Variants in CASD1 observed in about 807,000 individuals in gnomAD.
CASD1 encodes the protein N-acetylneuraminate (7)9-O-acetyltransferase.
In CASD1, 41 loss-of-function variants were observed where a neutral mutation model predicts 100.0. The observed-to-expected ratio is 0.41, with a 90% CI of 0.32 to 0.53. The LOEUF (loss-of-function observed/expected upper bound fraction) is 0.53. CASD1 is among the 20% of genes least tolerant of loss of function. The pLI, the probability that CASD1 is intolerant of heterozygous loss-of-function variation, is 0.25. For missense variants in CASD1, 774 were observed against 948.7 expected (o/e 0.82, Z 2.42); for synonymous variants, 321 against 315.6 (o/e 1.02, Z -0.18).
At chr7:94,600,771 A>G in the CASD1 span, 7 of 1,613,688 alleles carry the variant, frequency 4.3e-6, no homozygotes, top group Non-Finnish European at 5.9e-6. Flanking sequence ...AAGAATCAGA[A>G]GGGGGTTTGT....
chr7:94,558,623 T>C (rs1796283451), downstream of CASD1, among the ~76,000 whole-genome samples: 1 of 152,166 alleles, frequency 6.6e-6, no homozygotes, highest in African/African-American at 2.4e-5. Flanking sequence ...TTCATTCTTG[T>C]GTTCATTCCC....
intron 1 of CASD1, 73 bp from the exon 2 acceptor site, chr7:94,517,487 A>C: frequency 1.1e-6 from 1 of 890,124 alleles, no homozygotes; most frequent in Non-Finnish European, 1.8e-6. Flanking sequence ...CAAGGAACTT[A>C]TATAGGGTCA....
the CASD1 span, chr7:94,588,677 C>A: frequency 4.4e-6 from 7 of 1,582,178 alleles, no homozygotes; most frequent in East Asian, 2.2e-5. Flanking sequence ...ATTTATTATT[C>A]TTAGCACTCA....
chr7:94,578,537 T>C, the CASD1 span, among the ~76,000 whole-genome samples: 1 of 152,104 alleles, frequency 6.6e-6, no homozygotes, highest in Non-Finnish European at 1.5e-5. Context: ...CAAATTCAAG[T>C]ATATTGGATA....
the CASD1 span, chr7:94,586,578 CA>C: frequency 6.6e-6 from 1 of 152,316 alleles, no homozygotes; most frequent in Non-Finnish European, 1.5e-5. Flanking sequence ...TGGCTCACTG[CA>C]ACCTCCACCT....
chr7:94,563,240 C>T, the CASD1 span, among the ~76,000 whole-genome samples: 26 of 152,128 alleles, frequency 1.7e-4, no homozygotes, highest in Non-Finnish European at 3.4e-4. Flanking sequence ...TACCTCCCTC[C>T]TTACCCCCTT....
the CASD1 span, chr7:94,625,964 A>G: frequency 2.6e-5 from 4 of 152,056 alleles, no homozygotes; most frequent in Non-Finnish European, 4.4e-5. Flanking sequence ...TGTATGAGAT[A>G]TTCAGTACTG....
chr7:94,614,119 A>C, the CASD1 span, among the ~76,000 whole-genome samples: 49 of 151,410 alleles, frequency 3.2e-4, no homozygotes, highest in South Asian at 1.7e-3. Context: ...AAAAAAAAAA[A>C]AAAAAAAAAA....
chr7:94,533,291 C>T (rs749093003), intron 6 of CASD1, 42 bp downstream of exon 6: 64 of 1,520,470 alleles, frequency 4.2e-5, no homozygotes, highest in Admixed American at 5.4e-5. Flanking sequence ...TTTTGTTTCA[C>T]GTTTAAGAAC....
chr7:94,611,348 A>G, the CASD1 span, among the ~76,000 whole-genome samples: 1 of 152,200 alleles, frequency 6.6e-6, no homozygotes, highest in African/African-American at 2.4e-5. Flanking sequence ...TACAACATAG[A>G]TGAAACTTGA....
intron 1 of CASD1, among the ~76,000 whole-genome samples, chr7:94,512,614 A>G (rs1409409719): frequency 6.6e-6 from 1 of 152,192 alleles, no homozygotes; most frequent in Non-Finnish European, 1.5e-5. Context: ...TGTTCTACTA[A>G]AGGTTTTACA....
At chr7:94,616,066 TAGG>T in the CASD1 span, among the ~76,000 whole-genome samples, 5 of 152,160 alleles carry the variant, frequency 3.3e-5, no homozygotes, top group African/African-American at 1.2e-4. Flanking sequence ...CTGTTTGATT[TAGG>T]AGAAGTTTGA....
chr7:94,591,252 C>A, the CASD1 span, among the ~76,000 whole-genome samples: 1 of 152,134 alleles, frequency 6.6e-6, no homozygotes, highest in African/African-American at 2.4e-5. Context: ...ATCTTTACTA[C>A]AGAAGTCAAA....
chr7:94,537,560 T>G lies in CASD1; in HGVS notation c.932T>G (p.Leu311Arg). The G allele has an allele frequency of 6.2e-7, 1 of 1,613,960 alleles. No individual in the cohort carries two copies. The highest frequency in any genetic ancestry group is 8.5e-7 in the Non-Finnish European group (1 of 1,179,864). ...TGTCAACCTCGGCCTCCTGTTACTC[T>G]CATACAGAAGCTAGCTGCTTGTTTT... ...SCCQPRPPVT[L>R]IQKLAACFFT... is the part of the protein sequence containing the mutation. Residue 311 changes from leucine (L) to arginine (R), a missense_variant, in exon 9 of 18, where the codon CTC becomes CGC. Physicochemically the swap from Leu to Arg is moderately radical, Grantham distance 102. Around this residue, in one of 5 missense-constraint regions of CASD1, gnomAD observed 453 missense variants for 532.6 expected, o/e 0.85. Transcript: ENST00000297273.
At position 94,541,775 on chromosome 7, in the gene CASD1, AGTAAATACT is replaced by A. The variant is rs553271648; in HGVS notation, c.1357-2633_1357-2625del. Among the ~76,000 whole-genome samples the A allele has an allele frequency of 2.4e-3, 358 of 152,150 alleles. 1 individual carries two copies. Among genetic ancestry groups the A allele is most frequent in the South Asian group, 4.1e-3 (20 of 4,824 alleles). On this transcript the variant is annotated intron_variant, in intron 10 of 17. Transcript: ENST00000297273. ...AGAGAATTTTGAATATGGATCATAC[AGTAAATACT>A]GTTATATTAAATTTCTTGGGTATGG...
At position 94,531,102 on chromosome 7, in the gene CASD1, A is replaced by G. The variant is rs532449856; in HGVS notation, c.460-2103A>G. 5.8e-4 allele frequency among the ~76,000 whole-genome samples: 88 copies of G among 152,294 alleles called. 1 individual carries two copies. Among genetic ancestry groups the G allele is most frequent in the African/African-American group, 2.1e-3 (88 of 41,560 alleles). Reference sequence around the variant, plus strand: ...CATAGTGAGGGCAGAATACTCTTTCAAGTAATCTGTTGGTTACAGGTGTAA... The same window carrying G: ...CATAGTGAGGGCAGAATACTCTTTCGAGTAATCTGTTGGTTACAGGTGTAA... On this transcript the variant is annotated intron_variant, in intron 5 of 17. Transcript: ENST00000297273.
At chr7:94,571,031 T>TCC in the CASD1 span, among the ~76,000 whole-genome samples, 19 of 148,278 alleles carry the variant, frequency 1.3e-4, no homozygotes, top group Non-Finnish European at 1.9e-4. Context: ...GGAAATGTCT[T>TCC]AAATTCTCCT....
At chr7:94,581,895 A>G in the CASD1 span, among the ~76,000 whole-genome samples, 4 of 152,312 alleles carry the variant, frequency 2.6e-5, no homozygotes, top group East Asian at 7.7e-4. Context: ...ATACCCAGCA[A>G]TGGGATTGCT....
the CASD1 span, chr7:94,588,469 C>G: frequency 1.5e-6 from 2 of 1,363,530 alleles, no homozygotes; most frequent in South Asian, 3.3e-5. Context: ...TCCATGGATG[C>G]TTTTGCTCTA....
Sources: allele counts gnomAD v4.1 joint callset (sites outside exome capture counted in the v4.1 genomes callset), GRCh38; gene constraint gnomAD v4.1.1; regional missense constraint gnomAD v4.1.1; transcripts MANE v1.5; gene names NCBI Gene and HGNC (gene_info 2026-07-23, HGNC 2026-07-21).